PRDM7: variants seen among roughly 807,000 people sequenced by gnomAD.
PRDM7 encodes the protein PR/SET domain 7.
PRDM7 carries 52 observed loss-of-function variants against 64.3 expected under a neutral mutation model. That is an observed-to-expected ratio of 0.81 (90% CI 0.65 to 1.02). The LOEUF (loss-of-function observed/expected upper bound fraction) is 1.02, where lower values mean the gene tolerates loss of function less well. Ranked by LOEUF, PRDM7 falls within the 50% of genes least tolerant of loss-of-function variation. The pLI is 0.00. For synonymous variants in PRDM7, 192 were observed against 210.1 expected (o/e 0.91, Z 0.74); for missense variants, 574 against 597.1 (o/e 0.96, Z 0.40).
chr16:90,075,225 C>G lies in PRDM7; in HGVS notation c.193+126G>C. On this transcript the variant is annotated intron_variant, in intron 3 of 10. Transcript: ENST00000449207. The surrounding 1 kb of genome is among the most constrained non-coding windows in gnomAD (Gnocchi z 4.3). ...TGACGCAAAAGAACAATATTTCCCT[C>G]CAGATTTGTCTCCGTGCAAAAGGGA... The G allele has an allele frequency of 6.5e-7, 1 of 1,540,716 alleles. No individual in the cohort carries two copies. The highest frequency in any genetic ancestry group is 8.9e-7 in the Non-Finnish European group (1 of 1,120,210).
intron 4 of PRDM7, among the ~76,000 whole-genome samples, chr16:90,068,172 G>C (rs1053361606): frequency 2.0e-5 from 3 of 149,372 alleles, no homozygotes; most frequent in Non-Finnish European, 4.4e-5. Flanking sequence ...CCAGCTACTC[G>C]GGAGGCTGAG....
chr16:90,058,036 C>T lies in PRDM7; in HGVS notation c.*253G>A, dbSNP rs74034318. On this transcript the variant is annotated 3_prime_UTR_variant, in exon 11 of 11. Transcript: ENST00000449207. ...CTCTCTGCAGACGTAGGGCTTCCCC[C>T]CTGTGTGTGTCCTTTGGTGTGTAAT... 13 of 1,611,362 alleles carry T rather than the reference C, an allele frequency of 8.1e-6. No individual in the cohort carries two copies. The highest frequency in any genetic ancestry group is 6.6e-5 in the South Asian group (6 of 91,052).
rs189371189 is a variant in PRDM7 at position 90,068,918 on chromosome 16, G to A, written c.302-2008C>T. On this transcript the variant is annotated intron_variant, in intron 4 of 10. Coordinates refer to ENST00000449207, the MANE Select transcript of PRDM7 (RefSeq NM_001098173.2). Reference sequence around the variant, plus strand: ...TTCGTGGATTTGAAGACTTAATATTGTTAACATGTTCATACTATCAAAATG... The same window carrying A: ...TTCGTGGATTTGAAGACTTAATATTATTAACATGTTCATACTATCAAAATG... Among the ~76,000 whole-genome samples, 68 of 151,362 alleles carry A rather than the reference G, an allele frequency of 4.5e-4. 1 individual carries two copies. The highest frequency in any genetic ancestry group is 8.7e-4 in the Non-Finnish European group (59 of 67,986).
In PRDM7 at chr16:90,062,085, G is replaced by T. The variant is rs368917504; in HGVS notation, c.718C>A (p.Leu240Ile). 5.2e-5 allele frequency: 84 copies of T among 1,614,254 alleles called. No homozygotes were observed. Among genetic ancestry groups the T allele is most frequent in the Non-Finnish European group, 7.1e-5 (84 of 1,180,038 alleles). The change falls in exon 8 of 11, where the codon CTC (leucine) becomes ATC (isoleucine). Residue 240 changes from leucine (L) to isoleucine (I), a missense_variant. By Grantham distance (5) the Leu-to-Ile change is conservative. Coordinates refer to ENST00000449207, the MANE Select transcript of PRDM7 (RefSeq NM_001098173.2). ...VDKGHPNRSA[L>I]SLPPGLRIGP... The stretch of plus-strand genomic sequence containing the variant: ...ATTCTCAGCCCCGGGGGCAGACTGA[G>T]GGCTGAACGGTTGGGATGCCCCTTG...
At chr16:90,077,032 T>C (rs2038046915) in intron 1 of PRDM7, among the ~76,000 whole-genome samples, 194 bp downstream of exon 1, 1 of 152,034 alleles carries the variant, frequency 6.6e-6, no homozygotes, top group South Asian at 2.1e-4. Flanking sequence ...GGAGATTCGA[T>C]GTTCCTCTGG....
At chr16:90,059,726 C>T (rs916388451) in intron 10 of PRDM7, among the ~76,000 whole-genome samples, 5 of 152,206 alleles carry the variant, frequency 3.3e-5, no homozygotes, top group African/African-American at 1.2e-4. Context: ...CTGACCTCAG[C>T]TCTCACACCG....
At chr16:90,061,890 C>A (rs767425465) in intron 8 of PRDM7, 31 bp downstream of exon 8, 25 of 1,613,824 alleles carry the variant, frequency 1.5e-5, no homozygotes, top group Non-Finnish European at 2.0e-5. Flanking sequence ...TGTGGGAAGA[C>A]AGAACAGGGG....
In PRDM7 at chr16:90,058,402, T is replaced by C. The variant is rs749762078; in HGVS notation, c.1366A>G (p.Asn456Asp). 4 of 1,614,064 alleles carry C rather than the reference T, an allele frequency of 2.5e-6. No homozygotes were observed. Among genetic ancestry groups the C allele is most frequent in the Non-Finnish European group, 3.4e-6 (4 of 1,180,036 alleles). The change falls in exon 11 of 11, where the codon AAC (asparagine) becomes GAC (aspartate). Residue 456 changes from asparagine (N) to aspartate (D), a missense_variant. By Grantham distance (23) the Asn-to-Asp change is conservative. Transcript: ENST00000449207. ...ATCCCCTGGGCAGGGATTCTCTGGT[T>C]GGAGAAGTTTTCTTGCAGATGGTCC... is the stretch of plus-strand genomic sequence containing the variant. ...SQDHLQENFS[N>D]QRIPAQGIRI...
At chr16:90,064,429 T>C (rs1178896818) in intron 5 of PRDM7, among the ~76,000 whole-genome samples, 1 of 152,078 alleles carries the variant, frequency 6.6e-6, no homozygotes, top group Non-Finnish European at 1.5e-5. Context: ...TTTGTTTTGT[T>C]TTGAAAAGGA....
At chr16:90,063,374 G>A (rs945761799) in intron 6 of PRDM7, among the ~76,000 whole-genome samples, 4 of 151,358 alleles carry the variant, frequency 2.6e-5, no homozygotes, top group African/African-American at 7.3e-5. Flanking sequence ...GGAGGCAGAG[G>A]TTGCAGTGAA....
chr16:90,075,007 T>C lies in PRDM7; in HGVS notation c.210A>G (p.Arg70=). 1.9e-6 allele frequency: 3 copies of C among 1,614,074 alleles called. No individual in the cohort carries two copies. Among genetic ancestry groups the C allele is most frequent in the Non-Finnish European group, 2.5e-6 (3 of 1,180,026 alleles). Residue 70 remains arginine, a synonymous_variant, in exon 4 of 11, where the codon CGA becomes CGG. Coordinates refer to ENST00000449207, the MANE Select transcript of PRDM7 (RefSeq NM_001098173.2). The surrounding 1 kb of genome is among the most constrained non-coding windows in gnomAD (Gnocchi z 4.3). ...ALITVGLRAT[R]PAFMCHRRQA... is the part of the protein sequence containing the mutation. ...GCCTTCGGTGACACATGAAAGCTGGTCGAGTGGCTCTGAGACCTGAAAAGA... is the reference window on the plus strand; with the variant it reads ...GCCTTCGGTGACACATGAAAGCTGGCCGAGTGGCTCTGAGACCTGAAAAGA...
Position 90,057,783 on chromosome 16 carries a change from G to T in PRDM7, c.*506C>A, listed in dbSNP as rs188663731. 2 of 1,343,306 alleles carry T rather than the reference G, an allele frequency of 1.5e-6. No homozygotes were observed. Among genetic ancestry groups the T allele is most frequent in the Non-Finnish European group, 2.0e-6 (2 of 1,015,620 alleles). 83.2% of individuals were successfully genotyped at this position (1,343,306 alleles called of 1,614,324 possible). A position where few individuals can be genotyped will look rare whatever the true frequency, so the allele number is the denominator to read the frequency against. ...TCAGAGCTGGGGTGTGCAAGTGTGT[G>T]GTGATCACGTTTGTCTTCTTGTGGC... On this transcript the variant is annotated 3_prime_UTR_variant, in exon 11 of 11. Coordinates refer to ENST00000449207, the MANE Select transcript of PRDM7 (RefSeq NM_001098173.2).
In PRDM7 at chr16:90,063,615, GT is replaced by G; in HGVS notation, c.504del (p.Lys168AsnfsTer58). The G allele has an allele frequency of 6.2e-7, 1 of 1,613,088 alleles. No individual in the cohort carries two copies. The highest frequency in any genetic ancestry group is 8.5e-7 in the Non-Finnish European group (1 of 1,179,996). On this transcript the variant is annotated frameshift_variant, in exon 6 of 11. Transcript: ENST00000449207. LOFTEE classifies it high-confidence loss of function. ...TTCCCCTCAAATTTTTTCTTACCCAGTTTTAGTCTAGAGTGCTGTCCAGAGG... is the reference window on the plus strand; with the variant it reads ...TTCCCCTCAAATTTTTTCTTACCCAGTTTAGTCTAGAGTGCTGTCCAGAGG... ...ASTSGQHSRL[K>X]LELRRKETEG...
chr16:90,057,674 G>T lies in PRDM7; in HGVS notation c.*615C>A. 1 of 1,139,272 alleles carries T rather than the reference G, an allele frequency of 8.8e-7. No individual in the cohort carries two copies. Among genetic ancestry groups the T allele is most frequent in the Non-Finnish European group, 1.1e-6 (1 of 898,378 alleles). 70.6% of individuals were successfully genotyped at this position (1,139,272 alleles called of 1,614,324 possible). On this transcript the variant is annotated 3_prime_UTR_variant, in exon 11 of 11. Coordinates refer to ENST00000449207, the MANE Select transcript of PRDM7 (RefSeq NM_001098173.2). The stretch of plus-strand genomic sequence containing the variant: ...CTTCCTCAACTCTAGTCATGAAAGT[G>T]GCGGATTTGTTTAATTAGTTATTTC...
chr16:90,074,656 C>A (rs564377019), intron 4 of PRDM7, among the ~76,000 whole-genome samples: 2 of 151,458 alleles, frequency 1.3e-5, no homozygotes. Flanking sequence ...GGTAGATCAC[C>A]TGAGGTCAGG....
rs918853191 is a variant in PRDM7, at chr16:90,062,560, T to C, written c.509-58A>G. ...GGAGTCTGGGGTGTTTGTCCTTGTT[T>C]CATAAGAAAATGTGAAATCTCCTAC... On this transcript the variant is annotated intron_variant, in intron 6 of 10. Coordinates refer to ENST00000449207, the MANE Select transcript of PRDM7 (RefSeq NM_001098173.2). The C allele has an allele frequency of 5.7e-6, 8 of 1,414,294 alleles. No individual in the cohort carries two copies. The African/African-American group carries it at 1.1e-4, about 20-fold the overall frequency. 87.6% of individuals were successfully genotyped at this position (1,414,294 alleles called of 1,614,324 possible).
rs185341247 is a variant in PRDM7, at chr16:90,057,767, G to C, written c.*522C>G. 1 of 1,317,130 alleles carries C rather than the reference G, an allele frequency of 7.6e-7. No individual in the cohort carries two copies. The highest frequency in any genetic ancestry group is 1.0e-6 in the Non-Finnish European group (1 of 1,001,364). 81.6% of individuals were successfully genotyped at this position (1,317,130 alleles called of 1,614,324 possible). On this transcript the variant is annotated 3_prime_UTR_variant, in exon 11 of 11. Transcript: ENST00000449207. Reference sequence around the variant, plus strand: ...TTTCGCTGAAGCCACCTCAGAGCTGGGGTGTGCAAGTGTGTGGTGATCACG... The same window carrying C: ...TTTCGCTGAAGCCACCTCAGAGCTGCGGTGTGCAAGTGTGTGGTGATCACG...
chr16:90,075,818 G>A lies in PRDM7; in HGVS notation c.69+24C>T, dbSNP rs375827562. 1.9e-6 allele frequency: 3 copies of A among 1,610,774 alleles called. No individual in the cohort carries two copies. Among genetic ancestry groups the A allele is most frequent in the African/African-American group, 2.7e-5 (2 of 74,838 alleles). On this transcript the variant is annotated intron_variant, in intron 2 of 10. Coordinates refer to ENST00000449207, the MANE Select transcript of PRDM7 (RefSeq NM_001098173.2). The surrounding 1 kb of genome is among the most constrained non-coding windows in gnomAD (Gnocchi z 4.3). ...AGAGATCAGCTCCTGCTGGGAGTCT[G>A]GCTTCGCCTCCCCGACTTCTCACCA...
chr16:90,067,041 T>C, intron 4 of PRDM7, 131 bp from the exon 5 acceptor site: 4 of 728,550 alleles, frequency 5.5e-6, no homozygotes, highest in South Asian at 2.7e-5. Context: ...CTCCCCTCAC[T>C]GCAACCTCCG....
Sources: gnomAD v4.1 joint callset for allele counts (sites outside exome capture counted in the v4.1 genomes callset) on GRCh38, gnomAD v4.1.1 for gene constraint, Gnocchi (gnomAD v3.1) non-coding constraint, MANE v1.5 for transcripts, NCBI Gene and HGNC (gene_info 2026-07-23, HGNC 2026-07-21) for gene names.